Variants in DENND4A observed in about 807,000 individuals in gnomAD.
The protein encoded by DENND4A is C-myc promoter-binding protein.
DENND4A carries 70 observed loss-of-function variants against 199.3 expected under a neutral mutation model. That is an observed-to-expected ratio of 0.35 (90% CI 0.29 to 0.43). The LOEUF (loss-of-function observed/expected upper bound fraction) is 0.43, where lower values mean the gene tolerates loss of function less well. Ranked by LOEUF, DENND4A falls within the 20% of genes least tolerant of loss-of-function variation. DENND4A has a pLI of 1.00. For synonymous variants in DENND4A, 686 were observed against 766.9 expected (o/e 0.89, Z 1.74); for missense variants, 1,723 against 2,255.8 (o/e 0.76, Z 4.78).
At chr15:65,789,353 A>C (rs2077654377) in intron 1 of DENND4A, among the ~76,000 whole-genome samples, 1 of 152,120 alleles carries the variant, frequency 6.6e-6, no homozygotes, top group African/African-American at 2.4e-5. Context: ...CATAGGGCCT[A>C]ATCACTTCTT....
intron 29 of DENND4A, among the ~76,000 whole-genome samples, chr15:65,665,723 C>T (rs1325353964): frequency 6.6e-6 from 1 of 152,188 alleles, no homozygotes; most frequent in Non-Finnish European, 1.5e-5. Context: ...TCTTGCTCCT[C>T]TTGCTCATGA....
At chr15:65,685,158 A>G (rs1169810738) in intron 23 of DENND4A, among the ~76,000 whole-genome samples, 1 of 138,862 alleles carries the variant, frequency 7.2e-6, no homozygotes, top group Non-Finnish European at 1.5e-5. Flanking sequence ...ACCGTGTCTC[A>G]CTCTGTCGCC....
chr15:65,735,127 C>T (rs750452313), intron 7 of DENND4A, among the ~76,000 whole-genome samples: 1 of 151,792 alleles, frequency 6.6e-6, no homozygotes, highest in Non-Finnish European at 1.5e-5. Context: ...CCTGTAATCT[C>T]AGCACTTCGG....
chr15:65,784,780 C>T (rs372825510), intron 1 of DENND4A, among the ~76,000 whole-genome samples: 3 of 151,958 alleles, frequency 2.0e-5, no homozygotes, highest in South Asian at 2.1e-4. Context: ...GAGCAGAAAG[C>T]CCTCCTCCAA....
At chr15:65,760,776 C>G (rs1160509987) in intron 2 of DENND4A, among the ~76,000 whole-genome samples, 1 of 151,786 alleles carries the variant, frequency 6.6e-6, no homozygotes, top group Non-Finnish European at 1.5e-5. Flanking sequence ...ATGATCCCAG[C>G]TACTTGAGAG....
chr15:65,743,518 T>C (rs2140496894), intron 4 of DENND4A, among the ~76,000 whole-genome samples: 1 of 152,294 alleles, frequency 6.6e-6, no homozygotes, highest in South Asian at 2.1e-4. Context: ...TCCCCTCTAC[T>C]CCCAATCCCC....
chr15:65,665,699 C>A (rs753603344), intron 29 of DENND4A, among the ~76,000 whole-genome samples: 2 of 152,040 alleles, frequency 1.3e-5, no homozygotes, highest in Admixed American at 1.3e-4. Context: ...AGAAAGGGTA[C>A]CAAGAAGAAC....
rs566965269 is a variant in DENND4A at position 65,732,788 on chromosome 15, A to C, written c.1071T>G (p.Pro357=). The C allele has an allele frequency of 3.9e-5, 62 of 1,605,890 alleles. No homozygotes were observed. In the East Asian group the frequency reaches 1.0e-3, roughly 27 times the overall value. The part of the protein sequence containing the change: ...KHISHFMHKV[P]FPSPQRPRIL... ...TCCGTGGTCTCTGAGGAGATGGAAA[A>C]GGAACTTTATGCATAAAATGAGAAA... The change falls in exon 8 of 33, where the codon CCT becomes CCG. Residue 357 remains proline (P), a synonymous_variant. Transcript: ENST00000443035.
chr15:65,786,802 C>T (rs2077577088), intron 1 of DENND4A, among the ~76,000 whole-genome samples: 1 of 151,718 alleles, frequency 6.6e-6, no homozygotes, highest in Admixed American at 6.6e-5. Context: ...ACAAAAGCAC[C>T]CAAAGCAATG....
chr15:65,756,080 C>T (rs1317807591), intron 3 of DENND4A, 60 bp downstream of exon 3: 1 of 1,403,912 alleles, frequency 7.1e-7, no homozygotes, highest in South Asian at 1.4e-5. Context: ...AGTTAATCTC[C>T]AAATCTACAA....
intron 2 of DENND4A, among the ~76,000 whole-genome samples, chr15:65,760,500 T>TAATA (rs918365774): frequency 2.7e-4 from 41 of 149,254 alleles, no homozygotes; most frequent in South Asian, 6.4e-4. Context: ...TGTCACAAAA[T>TAATA]AATAAATAAA....
intron 14 of DENND4A, 170 bp downstream of exon 14, chr15:65,715,308 G>A (rs1189265323): frequency 1.8e-6 from 1 of 553,624 alleles, no homozygotes; most frequent in East Asian, 3.6e-5. Flanking sequence ...ATTGTAAGAG[G>A]TGCATTCTAT....
intron 22 of DENND4A, among the ~76,000 whole-genome samples, chr15:65,694,689 T>C (rs1022188521): frequency 6.6e-6 from 1 of 152,194 alleles, no homozygotes; most frequent in African/African-American, 2.4e-5. Flanking sequence ...AGTATTTCTA[T>C]ATATCCCATG....
chr15:65,752,402 C>A lies in DENND4A; in HGVS notation c.538G>T (p.Asp180Tyr). 1 of 1,581,338 alleles carries A rather than the reference C, an allele frequency of 6.3e-7. No individual in the cohort carries two copies. The highest frequency in any genetic ancestry group is 1.1e-5 in the South Asian group (1 of 90,042). The stretch of plus-strand genomic sequence containing the variant: ...ACCATACTGTTATTGAGATTCTTGT[C>A]GACTTTGCAGAACGTGTGTGGTGGG... ...ESPPHTFCKV[D>Y]KNLNNSMWGS... The change falls in exon 4 of 33, where the codon GAC becomes TAC. Residue 180 changes from aspartate (D) to tyrosine (Y), a missense_variant. By Grantham distance (160) the Asp-to-Tyr change is radical (BLOSUM62 -3). Around this residue, in one of 6 missense-constraint regions of DENND4A, gnomAD observed 725 missense variants for 952.9 expected, o/e 0.76. Coordinates refer to ENST00000443035, the MANE Select transcript of DENND4A (RefSeq NM_001320835.1).
chr15:65,747,722 T>C (rs926680405), intron 4 of DENND4A, among the ~76,000 whole-genome samples: 8 of 152,056 alleles, frequency 5.3e-5, no homozygotes, highest in Admixed American at 2.6e-4. Flanking sequence ...CATGTTGCTA[T>C]ATTAAGAAAG....
rs1184606901 is a variant in DENND4A at position 65,660,295 on chromosome 15, A to G, written c.*1556T>C. ...ATTTCCCAGAGTTGGAAGCTGTGAAATGTTTCAGCATGGTGCTATTCACTA... is the reference window on the plus strand; with the variant it reads ...ATTTCCCAGAGTTGGAAGCTGTGAAGTGTTTCAGCATGGTGCTATTCACTA... On this transcript the variant is annotated 3_prime_UTR_variant, in exon 33 of 33. Transcript: ENST00000443035. 5 of 1,535,184 alleles carry G rather than the reference A, an allele frequency of 3.3e-6. No homozygotes were observed. The highest frequency in any genetic ancestry group is 1.4e-5 in the African/African-American group (1 of 73,042).
chr15:65,683,039 G>T (rs2076635477), intron 23 of DENND4A, among the ~76,000 whole-genome samples: 1 of 152,114 alleles, frequency 6.6e-6, no homozygotes, highest in Non-Finnish European at 1.5e-5. Flanking sequence ...TTGAAATATT[G>T]CAAGAATTAC....
rs1413421128 is a variant in DENND4A, at chr15:65,697,294, C to A, written c.2923G>T (p.Asp975Tyr). ...TSTEDIQEEK[D>Y]KKGSDCSSLS... The stretch of plus-strand genomic sequence containing the variant: ...GAACTACAATCACTCCCTTTTTTAT[C>A]TTTTTCTTCTTGAATGTCTTCAGTA... The change falls in exon 21 of 33, where the codon GAT becomes TAT. Residue 975 changes from aspartate (D) to tyrosine (Y), a missense_variant. Asp to Tyr is a radical substitution (Grantham distance 160). This residue lies in a region of DENND4A where 650 missense variants were observed against 738.1 expected (regional missense o/e 0.88). Coordinates refer to ENST00000443035, the MANE Select transcript of DENND4A (RefSeq NM_001320835.1). The A allele has an allele frequency of 6.3e-6, 10 of 1,597,820 alleles. No homozygotes were observed. The highest frequency in any genetic ancestry group is 8.6e-6 in the Non-Finnish European group (10 of 1,169,202).
In DENND4A at chr15:65,661,085, T is replaced by C. The variant is rs963091438; in HGVS notation, c.*766A>G. 27 of 152,194 alleles carry C rather than the reference T, an allele frequency of 1.8e-4. No individual in the cohort carries two copies. Among genetic ancestry groups the C allele is most frequent in the African/African-American group, 6.5e-4 (27 of 41,422 alleles). 9.4% of individuals were successfully genotyped at this position (152,194 alleles called of 1,614,324 possible). A position where few individuals can be genotyped will look rare whatever the true frequency, so the allele number is the denominator to read the frequency against. On this transcript the variant is annotated 3_prime_UTR_variant, in exon 33 of 33. Transcript: ENST00000443035. The stretch of plus-strand genomic sequence containing the variant: ...GGAGTCATGGTATAGTGAACCTCTC[T>C]GGCTCTCCTTGCACAAGGCTCCATG...
Sources: allele counts gnomAD v4.1 joint callset (sites outside exome capture counted in the v4.1 genomes callset), GRCh38; gene constraint gnomAD v4.1.1; regional missense constraint gnomAD v4.1.1; transcripts MANE v1.5; gene names NCBI Gene and HGNC (gene_info 2026-07-23, HGNC 2026-07-21).